Variants in CTNNB1 observed in about 807,000 individuals in gnomAD.
CTNNB1 encodes catenin beta 1, also known as catenin beta-1.
Under a neutral mutation model 82.5 loss-of-function variants are expected in CTNNB1, and 6 were observed. That is an observed-to-expected ratio of 0.07 (90% CI 0.04 to 0.14). The LOEUF is 0.14. Ranked by LOEUF, CTNNB1 falls within the 10% of genes least tolerant of loss-of-function variation. The probability of loss-of-function intolerance (pLI) is 1.00; values close to 1 mark genes in which losing one functional copy is unlikely to be tolerated. For synonymous variants in CTNNB1, 312 were observed against 329.7 expected, an observed-to-expected ratio of 0.95 and a Z score of 0.58; for missense variants, 529 against 980.4, an observed-to-expected ratio of 0.54 and a Z score of 6.15.
rs750959414 is a variant in CTNNB1 at position 41,235,795 on chromosome 3, C to T, written c.1755C>T (p.His585=). Residue 585 remains histidine, a synonymous_variant, in exon 11 of 15, where the codon CAC becomes CAT. Transcript: ENST00000349496. ...GALHILARDV[H]NRIVIRGLNT... Reference sequence around the variant, plus strand: ...TTCACATCCTAGCTCGGGATGTTCACAACCGAATTGTTATCAGAGGACTAA... The same window carrying T: ...TTCACATCCTAGCTCGGGATGTTCATAACCGAATTGTTATCAGAGGACTAA... 9.9e-6 allele frequency: 16 copies of T among 1,613,890 alleles called. No homozygotes were observed. The highest frequency in any genetic ancestry group is 1.7e-5 in the Admixed American group (1 of 60,008).
At chr3:41,237,918 T>C (rs2125650290) in intron 13 of CTNNB1, 98 bp from the exon 14 acceptor site, 1 of 1,001,450 alleles carries the variant, frequency 1.0e-6, no homozygotes, top group South Asian at 1.3e-5. Flanking sequence ...TACTTGTTCC[T>C]TTTGTAATCT....
intron 1 of CTNNB1, among the ~76,000 whole-genome samples, chr3:41,212,637 T>G (rs922661204): frequency 6.6e-6 from 1 of 152,196 alleles, no homozygotes; most frequent in South Asian, 2.1e-4. Context: ...GCTGTTCAGT[T>G]GGTAGCAACC....
intron 1 of CTNNB1, among the ~76,000 whole-genome samples, chr3:41,223,692 T>G (rs1458845110): frequency 6.6e-6 from 1 of 152,174 alleles, no homozygotes; most frequent in Admixed American, 6.5e-5. Context: ...GAGCAGCTGA[T>G]TTTTGAATAG....
chr3:41,213,692 G>A (rs891582479), intron 1 of CTNNB1, among the ~76,000 whole-genome samples: 1 of 152,078 alleles, frequency 6.6e-6, no homozygotes, highest in African/African-American at 2.4e-5. Flanking sequence ...TCACAATCTC[G>A]TAAATTGAGA....
chr3:41,209,718 T>G (rs1446219107), intron 1 of CTNNB1, among the ~76,000 whole-genome samples: 1 of 152,210 alleles, frequency 6.6e-6, no homozygotes, highest in African/African-American at 2.4e-5. Context: ...AAGGTAGGTA[T>G]TTTTATCTAA....
chr3:41,225,512 G>T lies in CTNNB1; in HGVS notation c.674G>T (p.Arg225Leu), dbSNP rs144087793. 1 of 1,613,932 alleles carries T rather than the reference G, an allele frequency of 6.2e-7. No homozygotes were observed. Among genetic ancestry groups the T allele is most frequent in the Non-Finnish European group, 8.5e-7 (1 of 1,180,004 alleles). The change falls in exon 5 of 15, where the codon CGT becomes CTT. Residue 225 changes from arginine to leucine, a missense_variant. Coordinates refer to ENST00000349496, the MANE Select transcript of CTNNB1 (RefSeq NM_001904.4). This position sits in a 1 kb window ranked among gnomAD's most constrained non-coding sequence, Gnocchi z 5.3. ...ACCTTGCATAACCTTTCCCATCATCGTGAGGGCTTACTGGCCATCTTTAAG... is the reference window on the plus strand; with the variant it reads ...ACCTTGCATAACCTTTCCCATCATCTTGAGGGCTTACTGGCCATCTTTAAG... ...AGTLHNLSHH[R>L]EGLLAIFKSG... is the part of the protein sequence containing the mutation.
chr3:41,235,930 C>T, intron 11 of CTNNB1, 87 bp downstream of exon 11: 1 of 1,451,704 alleles, frequency 6.9e-7, no homozygotes. Context: ...AATTAGGGAC[C>T]ATAATAGGGT....
chr3:41,212,981 C>G (rs2077829398), intron 1 of CTNNB1, among the ~76,000 whole-genome samples: 1 of 152,152 alleles, frequency 6.6e-6, no homozygotes, highest in South Asian at 2.1e-4. Context: ...CTTTCCTGTT[C>G]TCTTCTAGTT....
chr3:41,221,500 C>T (rs1417592020), intron 1 of CTNNB1: 3 of 152,106 alleles, frequency 2.0e-5, no homozygotes, highest in African/African-American at 7.2e-5. Context: ...TACTACCACA[C>T]CTGGCTAATT....
chr3:41,223,874 T>C (rs1272925339), intron 1 of CTNNB1, 147 bp from the exon 2 acceptor site: 5 of 611,436 alleles, frequency 8.2e-6, no homozygotes, highest in South Asian at 6.2e-5. Flanking sequence ...GAGGAGACCA[T>C]GAGGTCTGCG....
intron 13 of CTNNB1, chr3:41,236,988 C>A: frequency 3.5e-6 from 2 of 576,120 alleles, no homozygotes; most frequent in South Asian, 4.5e-5. Flanking sequence ...GAAGATTTTT[C>A]AAAAGGATGT....
chr3:41,201,139 C>G (rs4974075), intron 1 of CTNNB1, among the ~76,000 whole-genome samples: 1 of 152,140 alleles, frequency 6.6e-6, no homozygotes, highest in Non-Finnish European at 1.5e-5. Context: ...ACTTGGTGAA[C>G]GAACATTCAA....
chr3:41,237,773 TTAATATAA>T, intron 13 of CTNNB1: 1 of 512,246 alleles, frequency 2.0e-6, no homozygotes, highest in Non-Finnish European at 3.5e-6. Flanking sequence ...TAATAGGTGC[TTAATATAA>T]TATTTGTTGA....
At chr3:41,236,765 C>T (rs1575334837) in intron 13 of CTNNB1, 56 bp downstream of exon 13, 2 of 1,609,972 alleles carry the variant, frequency 1.2e-6, no homozygotes. Context: ...GGTATGGCAG[C>T]TTGTTCTTTC....
intron 1 of CTNNB1, chr3:41,199,904 C>A (rs1454410741): frequency 7.5e-6 from 1 of 133,586 alleles, no homozygotes; most frequent in Non-Finnish European, 1.6e-5. Context: ...CTGGGGGCAT[C>A]GCTTGCGGGG....
intron 7 of CTNNB1, among the ~76,000 whole-genome samples, chr3:41,230,712 C>A (rs952769924): frequency 6.6e-5 from 10 of 152,108 alleles, no homozygotes; most frequent in Admixed American, 2.0e-4. Flanking sequence ...AGTGGGACTG[C>A]AGGATGAGAG....
chr3:41,228,456 T>A (rs888976716), intron 7 of CTNNB1, among the ~76,000 whole-genome samples: 5 of 152,230 alleles, frequency 3.3e-5, no homozygotes, highest in African/African-American at 1.2e-4. Context: ...TGATTTGCAT[T>A]TCTCTAATGA....
chr3:41,206,941 AACGTAAT>A (rs1469252276), intron 1 of CTNNB1, among the ~76,000 whole-genome samples: 1 of 152,224 alleles, frequency 6.6e-6, no homozygotes, highest in Non-Finnish European at 1.5e-5. Context: ...CTATTTAGGA[AACGTAAT>A]ACACTGACAT....
chr3:41,236,530 G>A (rs1442820103), intron 12 of CTNNB1, 31 bp downstream of exon 12: 1 of 1,614,206 alleles, frequency 6.2e-7, no homozygotes, highest in South Asian at 1.1e-5. Context: ...GCCTTTAGCA[G>A]ATGTGTACAT....
Sources: allele counts gnomAD v4.1 joint callset (sites outside exome capture counted in the v4.1 genomes callset), GRCh38; gene constraint gnomAD v4.1.1; non-coding constraint Gnocchi (gnomAD v3.1); transcripts MANE v1.5; gene names NCBI Gene and HGNC (gene_info 2026-07-23, HGNC 2026-07-21).